CTSE: variants seen among roughly 807,000 people sequenced by gnomAD.
CTSE encodes the protein erythrocyte membrane aspartic proteinase.
A neutral mutation model predicts 42.8 loss-of-function variants in CTSE; 43 were observed. The ratio of observed to expected loss-of-function variants is 1.01; its 90% CI spans 0.79 to 1.30. The LOEUF is 1.30. Among genes scored for constraint, CTSE ranks in the 50% most tolerant of loss-of-function variants. CTSE has a pLI of 0.00. For synonymous variants in CTSE, 205 were observed against 191.5 expected (o/e 1.07, Z -0.58); for missense variants, 532 against 493.5 (o/e 1.08, Z -0.74).
chr1:206,019,704 TAA>T (rs1200723139), intron 4 of CTSE, among the ~76,000 whole-genome samples: 14 of 147,566 alleles, frequency 9.5e-5, no homozygotes, highest in African/African-American at 3.4e-4. Flanking sequence ...ATTAGATATA[TAA>T]TATATATGTA....
chr1:206,021,083 C>T lies in CTSE; in HGVS notation c.428G>A (p.Ser143Asn). The change falls in exon 4 of 9, where the codon AGC becomes AAC. Residue 143 changes from serine (S) to asparagine (N), a missense_variant. Ser to Asn is a conservative substitution (Grantham distance 46). Transcript: ENST00000358184. ...QSFSIQYGTG[S>N]LSGIIGADQV... ...GTCGGCTCCAATGATCCCGGACAAG[C>T]TCCCGGTTCCATACTGAATGGAGAA... 1.2e-6 allele frequency: 2 copies of T among 1,613,458 alleles called. No homozygotes were observed. The highest frequency in any genetic ancestry group is 1.7e-6 in the Non-Finnish European group (2 of 1,179,440).
chr1:206,012,185 G>C (rs916720555), intron 8 of CTSE, 123 bp downstream of exon 8: 3 of 760,324 alleles, frequency 3.9e-6, no homozygotes, highest in Admixed American at 2.4e-5. Flanking sequence ...TGCCACATGA[G>C]AGCAGAACAA....
rs369198091 is a variant in CTSE at position 206,022,193 on chromosome 1, G to A, written c.300C>T (p.Ser100=). ...NFTVIFDTGS[S]NLWVPSVYCT... ...AGTACACAGAGGGGACCCAGAGGTT[G>A]GAGGAGCCAGTGTCGAAGATGACAG... Residue 100 remains serine, a synonymous_variant, in exon 3 of 9, where the codon TCC becomes TCT. Transcript: ENST00000358184. The A allele has an allele frequency of 6.3e-5, 102 of 1,612,890 alleles. No homozygotes were observed. Among genetic ancestry groups the A allele is most frequent in the Non-Finnish European group, 8.2e-5 (97 of 1,179,262 alleles).
intron 1 of CTSE, 118 bp downstream of exon 1, chr1:206,023,606 G>C: frequency 1.1e-6 from 1 of 918,684 alleles, no homozygotes; most frequent in Non-Finnish European, 1.8e-6. Context: ...ATGCATTGAC[G>C]CAAGCCCTCA....
rs1202508986 is a variant in CTSE at position 206,009,267 on chromosome 1, A to G, written c.*916T>C. 6.6e-6 allele frequency: 1 copy of G among 152,002 alleles called. No homozygotes were observed. The highest frequency in any genetic ancestry group is 1.5e-5 in the Non-Finnish European group (1 of 67,998). The allele number at this position is 152,002 out of a possible 1,614,324, so 9.4% of individuals were successfully genotyped here. The stretch of plus-strand genomic sequence containing the variant: ...AATGACCACTGAAACGATCAGGTAA[A>G]ATGCTGAACTTTGTAATGAATGATT... On this transcript the variant is annotated 3_prime_UTR_variant, in exon 9 of 9. Transcript: ENST00000358184.
At chr1:206,018,381 T>C (rs940665262) in intron 4 of CTSE, among the ~76,000 whole-genome samples, 2 of 152,052 alleles carry the variant, frequency 1.3e-5, no homozygotes, top group African/African-American at 4.8e-5. Context: ...TGTAATTTTA[T>C]ATTTTCTTTT....
intron 4 of CTSE, among the ~76,000 whole-genome samples, chr1:206,017,497 T>C (rs1553277829): frequency 6.6e-6 from 1 of 152,012 alleles, no homozygotes; most frequent in African/African-American, 2.4e-5. Context: ...TAAATCCAAA[T>C]GATTTTTTTT....
At chr1:206,020,121 G>T (rs1479389487) in intron 4 of CTSE, among the ~76,000 whole-genome samples, 6 of 144,550 alleles carry the variant, frequency 4.2e-5, no homozygotes, top group Non-Finnish European at 9.0e-5. Context: ...ATATACAGAT[G>T]GATATATATT....
At chr1:206,022,865 C>T in intron 2 of CTSE, 36 bp downstream of exon 2, 1 of 1,523,802 alleles carries the variant, frequency 6.6e-7, no homozygotes, top group Non-Finnish European at 8.8e-7. Flanking sequence ...CCTCCCGCTC[C>T]CACCTCTCCC....
At chr1:206,022,448 A>G (rs554921629) in intron 2 of CTSE, among the ~76,000 whole-genome samples, 181 bp from the exon 3 acceptor site, 4 of 152,180 alleles carry the variant, frequency 2.6e-5, no homozygotes, top group African/African-American at 7.2e-5. Context: ...AGAAATGGCC[A>G]TGAAGGAGGA....
At position 206,022,930 on chromosome 1, in the gene CTSE, C is replaced by T; in HGVS notation, c.196G>A (p.Ala66Thr). Reference protein sequence around the residue: ...FTESCSMDQSAKEPLINYLDM... With the variant: ...FTESCSMDQSTKEPLINYLDM... ...AAGTAGTTGATGAGGGGTTCCTTGG[C>T]ACTCTGGTCCATTGAGCAGGACTCG... Residue 66 changes from alanine to threonine, a missense_variant, in exon 2 of 9, where the codon GCC becomes ACC. By Grantham distance (58) the Ala-to-Thr change is moderately conservative. Coordinates refer to ENST00000358184, the MANE Select transcript of CTSE (RefSeq NM_001910.4). The T allele has an allele frequency of 6.3e-7, 1 of 1,593,244 alleles. No homozygotes were observed.
chr1:206,012,631 A>G lies in CTSE; in HGVS notation c.804T>C (p.Thr268=). ...GGCAGCCCTCGGAGCAGAACATAAC[A>G]GTGCCTCCCACCTGGATGCTGAGGG... ...IALDNIQVGG[T]VMFCSEGCQA... is the part of the protein sequence containing the mutation. The change falls in exon 7 of 9, where the codon ACT becomes ACC. Residue 268 remains threonine, a synonymous_variant. Transcript: ENST00000358184. The G allele has an allele frequency of 1.2e-6, 2 of 1,613,752 alleles. No homozygotes were observed. Among genetic ancestry groups the G allele is most frequent in the Non-Finnish European group, 1.7e-6 (2 of 1,179,758 alleles).
chr1:206,012,462 C>T (rs1553277135), intron 7 of CTSE, 46 bp downstream of exon 7: 26 of 1,613,804 alleles, frequency 1.6e-5, no homozygotes, highest in Non-Finnish European at 2.2e-5. Flanking sequence ...AAGAGAAGGC[C>T]TGGCTCTCCT....
chr1:206,021,167 T>A lies in CTSE; in HGVS notation c.344A>T (p.Lys115Met). Residue 115 changes from lysine to methionine, a missense_variant and splice_region_variant, in exon 4 of 9, where the codon AAG becomes ATG. Physicochemically the swap from Lys to Met is moderately conservative, Grantham distance 95. Transcript: ENST00000358184. ...GGAAGGCTGGAACCTGCTGTGCGTC[T>A]CTGGAAAGAAGTGCACTGCTCTTGC... Reference protein sequence around the residue: ...PSVYCTSPACKTHSRFQPSQS... With the variant: ...PSVYCTSPACMTHSRFQPSQS... 1 of 1,609,666 alleles carries A rather than the reference T, an allele frequency of 6.2e-7. No homozygotes were observed.
At chr1:206,017,648 C>T (rs1661298925) in intron 4 of CTSE, among the ~76,000 whole-genome samples, 1 of 152,018 alleles carries the variant, frequency 6.6e-6, no homozygotes, top group East Asian at 1.9e-4. Flanking sequence ...TGCCACCACG[C>T]CTGGCTAATT....
At chr1:206,012,470 C>T (rs1011444876) in intron 7 of CTSE, 38 bp downstream of exon 7, 29 of 1,613,786 alleles carry the variant, frequency 1.8e-5, no homozygotes, top group Non-Finnish European at 2.3e-5. Context: ...GCCTGGCTCT[C>T]CTGTCCCCAC....
chr1:206,023,793 G>A lies in CTSE; in HGVS notation c.-2C>T, dbSNP rs1553278874. On this transcript the variant is annotated 5_prime_UTR_variant, in exon 1 of 9. Coordinates refer to ENST00000358184, the MANE Select transcript of CTSE (RefSeq NM_001910.4). ...CAGCAAAAGAAGGAGCGTTTTCATT[G>A]TGAGTCCGACCAGCAGCTTCTCCCT... The A allele has an allele frequency of 6.2e-7, 1 of 1,613,496 alleles. No individual in the cohort carries two copies. Among genetic ancestry groups the A allele is most frequent in the Non-Finnish European group, 8.5e-7 (1 of 1,179,634 alleles).
chr1:206,012,161 C>T (rs1661117996), intron 8 of CTSE, 147 bp downstream of exon 8: 1 of 649,718 alleles, frequency 1.5e-6, no homozygotes, highest in Non-Finnish European at 2.7e-6. Context: ...CAGCTGTGTC[C>T]CTCCCAGAGG....
chr1:206,023,321 G>T (rs1553278772), intron 1 of CTSE, among the ~76,000 whole-genome samples: 1 of 151,898 alleles, frequency 6.6e-6, no homozygotes, highest in Non-Finnish European at 1.5e-5. Context: ...TAGGAAAATG[G>T]GAGATGTGGG....
Sources: gnomAD v4.1 joint callset for allele counts (sites outside exome capture counted in the v4.1 genomes callset) on GRCh38, gnomAD v4.1.1 for gene constraint, MANE v1.5 for transcripts, NCBI Gene and HGNC (gene_info 2026-07-23, HGNC 2026-07-21) for gene names.